The following FBXL6 variants were observed in gnomAD, a reference collection of about 807,000 sequenced individuals.
FBXL6 encodes the protein F-box/LRR-repeat protein 6.
A neutral mutation model predicts 53.3 loss-of-function variants in FBXL6; 50 were observed. The observed-to-expected ratio is 0.94, with a 90% CI of 0.75 to 1.19. The LOEUF is 1.19. Among genes scored for constraint, FBXL6 ranks in the 50% most tolerant of loss-of-function variants. The probability of loss-of-function intolerance (pLI) is 0.00; values close to 1 mark genes in which losing one functional copy is unlikely to be tolerated. For synonymous variants in FBXL6, 405 were observed against 322.9 expected (o/e 1.25, Z -2.73); for missense variants, 815 against 719.0 (o/e 1.13, Z -1.53).
rs1452871730 is a variant in FBXL6, at chr8:144,358,253, G to T, written c.195C>A (p.Arg65=). ...CCCGGGGCGGCTGCCGGGGAGTGCG[G>T]CGGGAAGCGCGCCGCTGTGCGCGGG... ...ARPRAQRRAS[R]RTPRQPPRGP... The change falls in exon 1 of 9, where the codon CGC becomes CGA. Residue 65 remains arginine (R), a synonymous_variant. Coordinates refer to ENST00000331890, the MANE Select transcript of FBXL6 (RefSeq NM_012162.4). 9.9e-6 allele frequency: 12 copies of T among 1,217,234 alleles called. No individual in the cohort carries two copies. The highest frequency in any genetic ancestry group is 3.1e-5 in the African/African-American group (2 of 63,684). 75.4% of individuals were successfully genotyped at this position (1,217,234 alleles called of 1,614,324 possible).
chr8:144,357,104 A>G lies in FBXL6; in HGVS notation c.657T>C (p.Cys219=), dbSNP rs1455750012. 7 of 1,612,940 alleles carry G rather than the reference A, an allele frequency of 4.3e-6. No homozygotes were observed. Among genetic ancestry groups the G allele is most frequent in the Non-Finnish European group, 5.9e-6 (7 of 1,180,010 alleles). The change falls in exon 4 of 9, where the codon TGT becomes TGC. Residue 219 remains cysteine (C), a synonymous_variant. Transcript: ENST00000331890. Reference sequence around the variant, plus strand: ...AGAGCTTGAGGAAAGTGAGCCGAGGACAGCACTCACCTACCAGCTGCGGGG... The same window carrying G: ...AGAGCTTGAGGAAAGTGAGCCGAGGGCAGCACTCACCTACCAGCTGCGGGG... The part of the protein sequence containing the change: ...HPVLKLVGEC[C]PRLTFLKLSG...
In FBXL6 at chr8:144,358,274, G is replaced by A; in HGVS notation, c.174C>T (p.Arg58=). The A allele has an allele frequency of 8.2e-7, 1 of 1,226,918 alleles. No individual in the cohort carries two copies. The highest frequency in any genetic ancestry group is 1.0e-6 in the Non-Finnish European group (1 of 984,258). The allele number at this position is 1,226,918 out of a possible 1,614,324, so 76.0% of individuals were successfully genotyped here. A position where few individuals can be genotyped will look rare whatever the true frequency, so the allele number is the denominator to read the frequency against. The stretch of plus-strand genomic sequence containing the variant: ...TGCGGCGGGAAGCGCGCCGCTGTGC[G>A]CGGGGCCGGGCGGGGCCGGGTTCGG... ...VLSEPGPARP[R]AQRRASRRTP... Residue 58 remains arginine (R), a synonymous_variant, in exon 1 of 9, where the codon CGC becomes CGT. Coordinates refer to ENST00000331890, the MANE Select transcript of FBXL6 (RefSeq NM_012162.4).
Position 144,356,100 on chromosome 8 carries a change from A to G in FBXL6, c.1340T>C (p.Leu447Ser). Residue 447 changes from leucine to serine, a missense_variant, in exon 8 of 9, where the codon TTG becomes TCG. Coordinates refer to ENST00000331890, the MANE Select transcript of FBXL6 (RefSeq NM_012162.4). ...CTTCTCACTGAACCCCTGGCCACTC[A>G]AGTCCAGTTCTCGCAGTGTATGGCA... ...KWCHTLRELD[L>S]SGQGFSEKDL... is the part of the protein sequence containing the mutation. The G allele has an allele frequency of 6.2e-7, 1 of 1,612,968 alleles. No individual in the cohort carries two copies. Among genetic ancestry groups the G allele is most frequent in the East Asian group, 2.2e-5 (1 of 44,878 alleles).
chr8:144,357,594 G>C (rs1381123641), intron 2 of FBXL6, 34 bp downstream of exon 2: 5 of 1,606,858 alleles, frequency 3.1e-6, no homozygotes, highest in African/African-American at 1.3e-5. Context: ...AAGGAGCCTG[G>C]AGCCAGGGGT....
chr8:144,355,762 C>G, intron 8 of FBXL6, 84 bp from the exon 9 acceptor site: 7 of 1,556,170 alleles, frequency 4.5e-6, no homozygotes, highest in Non-Finnish European at 6.1e-6. Context: ...TGCTGGTGTT[C>G]GACACCTGGC....
chr8:144,356,164 G>C lies in FBXL6; in HGVS notation c.1276C>G (p.Leu426Val), dbSNP rs771741825. The change falls in exon 8 of 9, where the codon CTA (leucine) becomes GTA (valine). Residue 426 changes from leucine to valine, a missense_variant. Leu to Val is a conservative substitution (Grantham distance 32). Transcript: ENST00000331890. ...AAAAAGGGGCTGCCCTCCTTGGCTA[G>C]AGTCAGCCGGTCTGACGTGCCATAC... ...GLYGTSDRLT[L>V]AKEGSPFLTQ... is the part of the protein sequence containing the mutation. The C allele has an allele frequency of 2.5e-6, 4 of 1,612,880 alleles. No individual in the cohort carries two copies. The highest frequency in any genetic ancestry group is 3.4e-6 in the Non-Finnish European group (4 of 1,180,022).
chr8:144,358,236 G>A lies in FBXL6; in HGVS notation c.212C>T (p.Pro71Leu). ...RRASRRTPRQ[P>L]PRGPSAAAKP... ...GGCCGCGGCGCTGGGGCCCCGGGGC[G>A]GCTGCCGGGGAGTGCGGCGGGAAGC... Residue 71 changes from proline to leucine, a missense_variant, in exon 1 of 9, where the codon CCG (proline) becomes CTG (leucine). Coordinates refer to ENST00000331890, the MANE Select transcript of FBXL6 (RefSeq NM_012162.4). The A allele has an allele frequency of 8.3e-7, 1 of 1,209,564 alleles. No homozygotes were observed. Among genetic ancestry groups the A allele is most frequent in the Non-Finnish European group, 1.0e-6 (1 of 973,376 alleles). 74.9% of individuals were successfully genotyped at this position (1,209,564 alleles called of 1,614,324 possible).
At position 144,356,147 on chromosome 8, in the gene FBXL6, G is replaced by C. The variant is rs782546558; in HGVS notation, c.1293C>G (p.Ser431Arg). ...SDRLTLAKEG[S>R]PFLTQKWCHT... ...GGCACCACTTCTGGGTCAAAAAGGG[G>C]CTGCCCTCCTTGGCTAGAGTCAGCC... The change falls in exon 8 of 9, where the codon AGC (serine) becomes AGG (arginine). Residue 431 changes from serine to arginine, a missense_variant. By Grantham distance (110) the Ser-to-Arg change is moderately radical. Coordinates refer to ENST00000331890, the MANE Select transcript of FBXL6 (RefSeq NM_012162.4). 5 of 1,612,864 alleles carry C rather than the reference G, an allele frequency of 3.1e-6. No individual in the cohort carries two copies. The highest frequency in any genetic ancestry group is 4.2e-6 in the Non-Finnish European group (5 of 1,180,036).
Position 144,358,124 on chromosome 8 carries a change from G to A in FBXL6, c.324C>T (p.Asp108=). 6.3e-7 allele frequency: 1 copy of A among 1,576,426 alleles called. No individual in the cohort carries two copies. The highest frequency in any genetic ancestry group is 8.6e-7 in the Non-Finnish European group (1 of 1,166,728). The change falls in exon 1 of 9, where the codon GAC becomes GAT. Residue 108 remains aspartate, a synonymous_variant. Transcript: ENST00000331890. ...AGGGAATGCGGTCTCCCCAGCCCGCGTCGGGCCCTTCCTCGGGCGTGGGCG... is the reference window on the plus strand; with the variant it reads ...AGGGAATGCGGTCTCCCCAGCCCGCATCGGGCCCTTCCTCGGGCGTGGGCG... ...APTPTPEEGP[D]AGWGDRIPLE...
rs782444732 is a variant in FBXL6 at position 144,357,691 on chromosome 8, G to A, written c.512C>T (p.Ala171Val). ...CTTCTCCGCCTTGACCCCGCCCTTG[G>A]CAGGCCGGCCGACCAGCGGGGACGA... ...TLSSPLVGRP[A>V]KGGVKAEKKL... Residue 171 changes from alanine (A) to valine (V), a missense_variant, in exon 2 of 9, where the codon GCC becomes GTC. Coordinates refer to ENST00000331890, the MANE Select transcript of FBXL6 (RefSeq NM_012162.4). 3 of 1,610,658 alleles carry A rather than the reference G, an allele frequency of 1.9e-6. No individual in the cohort carries two copies. In the South Asian group the frequency reaches 3.3e-5, roughly 18 times the overall value.
chr8:144,356,471 C>T lies in FBXL6; in HGVS notation c.1054G>A (p.Gly352Arg), dbSNP rs375757939. The change falls in exon 7 of 9, where the codon GGA (glycine) becomes AGA (arginine). Residue 352 changes from glycine (G) to arginine (R), a missense_variant. Transcript: ENST00000331890. Reference sequence around the variant, plus strand: ...TCCTCTAGGCTAGGGAAGCCTGGTCCGGGAGCCACCCCTCGTCCCGGAGGC... The same window carrying T: ...TCCTCTAGGCTAGGGAAGCCTGGTCTGGGAGCCACCCCTCGTCCCGGAGGC... ...PKPPGRGVAP[G>R]PGFPSLEELC... 6.8e-6 allele frequency: 11 copies of T among 1,612,826 alleles called. No individual in the cohort carries two copies. The highest frequency in any genetic ancestry group is 2.2e-5 in the South Asian group (2 of 91,090).
Position 144,355,618 on chromosome 8 carries a change from A to G in FBXL6, c.1533T>C (p.Leu511=), listed in dbSNP as rs1818364810. 5 of 1,611,194 alleles carry G rather than the reference A, an allele frequency of 3.1e-6. No homozygotes were observed. The highest frequency in any genetic ancestry group is 4.2e-6 in the Non-Finnish European group (5 of 1,179,932). ...GGTAGGCCCGCTTCAGACCCCGGGG[A>G]AGGCAGCGGCAGGACTCCAGGTTGA... ...LYLNLESCRC[L]PRGLKRAYRG... Residue 511 remains leucine, a synonymous_variant, in exon 9 of 9, where the codon CTT becomes CTC. Transcript: ENST00000331890.
rs138981805 is a variant in FBXL6 at position 144,355,593 on chromosome 8, G to T, written c.1558C>A (p.Arg520=). 3 of 1,611,284 alleles carry T rather than the reference G, an allele frequency of 1.9e-6. No homozygotes were observed. Among genetic ancestry groups the T allele is most frequent in the African/African-American group, 1.3e-5 (1 of 74,984 alleles). ...CACCACTGGACTTCCTCCAGGCCCC[G>T]GTAGGCCCGCTTCAGACCCCGGGGA... ...CLPRGLKRAY[R]GLEEVQWCLE... The change falls in exon 9 of 9, where the codon CGG becomes AGG. Residue 520 remains arginine (R), a synonymous_variant. Transcript: ENST00000331890.
chr8:144,356,217 G>A lies in FBXL6; in HGVS notation c.1226-3C>T, dbSNP rs782501887. On this transcript the variant is annotated splice_region_variant and splice_polypyrimidine_tract_variant and intron_variant, in intron 7 of 8. Coordinates refer to ENST00000331890, the MANE Select transcript of FBXL6 (RefSeq NM_012162.4). ...GCCCAGATGAAGCTGCTCCAGCTCT[G>A]CAGTGAAAGGAGTGAGCATAAGCTA... 1 of 1,612,024 alleles carries A rather than the reference G, an allele frequency of 6.2e-7. No homozygotes were observed. Among genetic ancestry groups the A allele is most frequent in the South Asian group, 1.1e-5 (1 of 91,092 alleles).
chr8:144,355,899 A>G (rs575582735), intron 8 of FBXL6, 69 bp downstream of exon 8: 4 of 1,592,680 alleles, frequency 2.5e-6, no homozygotes, highest in East Asian at 4.5e-5. Flanking sequence ...GCAGGACACA[A>G]CTTCCAGGCC....
chr8:144,357,784 G>T lies in FBXL6; in HGVS notation c.419C>A (p.Ala140Asp). 6.4e-7 allele frequency: 1 copy of T among 1,558,368 alleles called. No homozygotes were observed. The highest frequency in any genetic ancestry group is 2.3e-5 in the East Asian group (1 of 42,686). ...CTGCCAGCGGCGGCACACGCGCGCA[G>T]CCCTGGGAGGACAGCGTGCTGAGGG... The part of the protein sequence containing the change: ...ADGPMPFLGR[A>D]ARVCRRWQEA... Residue 140 changes from alanine (A) to aspartate (D), a missense_variant and splice_region_variant, in exon 2 of 9, where the codon GCT becomes GAT. Ala to Asp is a moderately radical substitution (Grantham distance 126). Coordinates refer to ENST00000331890, the MANE Select transcript of FBXL6 (RefSeq NM_012162.4).
intron 1 of FBXL6, 96 bp downstream of exon 1, chr8:144,357,935 TC>T: frequency 6.9e-7 from 1 of 1,455,198 alleles, no homozygotes; most frequent in Non-Finnish European, 9.0e-7. Context: ...CGGTGCGCGC[TC>T]CGATGCTTTC....
Position 144,358,283 on chromosome 8 carries a change from G to A in FBXL6, c.165C>T (p.Ala55=). Residue 55 remains alanine, a synonymous_variant, in exon 1 of 9, where the codon GCC becomes GCT. Transcript: ENST00000331890. ...MLLVLSEPGP[A]RPRAQRRASR... is the part of the protein sequence containing the mutation. ...AAGCGCGCCGCTGTGCGCGGGGCCG[G>A]GCGGGGCCGGGTTCGGACAGCACCA... The A allele has an allele frequency of 2.4e-6, 3 of 1,234,898 alleles. No homozygotes were observed. The South Asian group carries it at 1.2e-4, about 49-fold the overall frequency. The allele number at this position is 1,234,898 out of a possible 1,614,324, so 76.5% of individuals were successfully genotyped here.
chr8:144,356,868 T>C lies in FBXL6; in HGVS notation c.819A>G (p.Arg273=). 1.2e-6 allele frequency: 2 copies of C among 1,613,326 alleles called. No homozygotes were observed. The highest frequency in any genetic ancestry group is 1.7e-6 in the Non-Finnish European group (2 of 1,179,982). ...VVSFLEEAGS[R]MRKLWLTYSS... ...TGTAGGTCAGCCACAACTTGCGCAT[T>C]CGGGACCCTGCCTCCTCCAAGAAGC... Residue 273 remains arginine (R), a synonymous_variant, in exon 5 of 9, where the codon CGA becomes CGG. Coordinates refer to ENST00000331890, the MANE Select transcript of FBXL6 (RefSeq NM_012162.4).
Sources: allele counts gnomAD v4.1 joint callset, GRCh38; gene constraint gnomAD v4.1.1; transcripts MANE v1.5; gene names NCBI Gene and HGNC (gene_info 2026-07-23, HGNC 2026-07-21).